The following ATP11C variants were observed in gnomAD, a reference collection of about 807,000 sequenced individuals.
ATP11C encodes the protein ATPase phospholipid transporting 11C (ATP11C blood group), also known as phospholipid-transporting ATPase IG.
In ATP11C, 36 loss-of-function variants were observed where a neutral mutation model predicts 97.4. The observed-to-expected ratio is 0.37, with a 90% CI of 0.28 to 0.49. ATP11C has a LOEUF of 0.49. Among genes scored for constraint, ATP11C ranks in the 20% least tolerant of loss-of-function variants. ATP11C has a pLI of 0.98. For missense variants in ATP11C, 730 were observed against 824.6 expected (o/e 0.89, Z 1.40); for synonymous variants, 275 against 290.9 (o/e 0.95, Z 0.56).
intron 1 of ATP11C, chrX:139,832,005 T>C (rs1200336490): frequency 1.8e-6 from 1 of 557,137 alleles, no homozygotes; most frequent in Admixed American, 4.0e-5. Flanking sequence ...ATAGGAGCAG[T>C]GAGGCTGAAA....
intron 1 of ATP11C, among the ~76,000 whole-genome samples, chrX:139,885,045 C>G (rs893737924): frequency 2.7e-5 from 3 of 111,266 alleles, no homozygotes; most frequent in African/African-American, 9.8e-5. Flanking sequence ...ATACAAATCA[C>G]GATATCTAAA....
At chrX:139,738,703 T>C (rs1044155700) in intron 27 of ATP11C, among the ~76,000 whole-genome samples, 1 of 111,201 alleles carries the variant, frequency 9.0e-6, no homozygotes, top group Middle Eastern at 4.2e-3. Flanking sequence ...GGAGTTAGAT[T>C]TCATTCTGAG....
intron 20 of ATP11C, among the ~76,000 whole-genome samples, chrX:139,764,566 A>T (rs973809006): frequency 5.3e-5 from 6 of 112,887 alleles, no homozygotes; most frequent in African/African-American, 1.6e-4. Flanking sequence ...AAAAAAAATA[A>T]TTTAGTAGCT....
chrX:139,851,566 T>G lies in ATP11C; in HGVS notation c.28-24743A>C, dbSNP rs761889016. ...AGTGGAAATATGGGACTGGGACCAT[T>G]ACCATGATTCCAGAACTGTAGAGCT... On this transcript the variant is annotated intron_variant, in intron 1 of 29. Coordinates refer to ENST00000682941, the MANE Select transcript of ATP11C (RefSeq NM_001353812.2). Among the ~76,000 whole-genome samples, 3 of 111,178 alleles carry G rather than the reference T, an allele frequency of 2.7e-5. No individual in the cohort carries two copies. In the South Asian group the frequency reaches 1.2e-3, roughly 43 times the overall value.
chrX:139,801,459 C>T (rs1286213275), intron 7 of ATP11C, among the ~76,000 whole-genome samples: 2 of 111,893 alleles, frequency 1.8e-5, no homozygotes, highest in East Asian at 5.6e-4. Flanking sequence ...TTTGTTTTTC[C>T]ACTACTAGGT....
chrX:139,735,843 C>G (rs1205679283), intron 28 of ATP11C, among the ~76,000 whole-genome samples: 3 of 110,989 alleles, frequency 2.7e-5, no homozygotes, highest in Admixed American at 9.6e-5. Context: ...CCTGAAATCC[C>G]AGAGTCTGAA....
chrX:139,825,954 C>A (rs1373045675), intron 2 of ATP11C, among the ~76,000 whole-genome samples: 2 of 112,238 alleles, frequency 1.8e-5, no homozygotes, highest in Non-Finnish European at 1.9e-5. Flanking sequence ...GTACTAGGAG[C>A]TATAAGAAGT....
intron 1 of ATP11C, among the ~76,000 whole-genome samples, chrX:139,919,444 AACACACACACACACAC>A (rs370999462): frequency 0.011 from 809 of 73,940 alleles, 14 homozygotes; most frequent in Admixed American, 0.065. Flanking sequence ...CTCAAACTTA[AACACACACACACACAC>A]ACACACACAC....
Position 139,762,126 on chromosome X carries a change from T to C in ATP11C, c.2495-20A>G. The C allele has an allele frequency of 8.8e-7, 1 of 1,130,150 alleles. No homozygotes were observed. Among genetic ancestry groups the C allele is most frequent in the Non-Finnish European group, 1.2e-6 (1 of 843,250 alleles). 93.1% of individuals were successfully genotyped at this position (1,130,150 alleles called of 1,213,427 possible). Reference sequence around the variant, plus strand: ...TAATACCTAAAAGAGAGTATCTCTATATGGTGAGCATTTTCTAGAATAAAT... The same window carrying C: ...TAATACCTAAAAGAGAGTATCTCTACATGGTGAGCATTTTCTAGAATAAAT... On this transcript the variant is annotated intron_variant, in intron 21 of 29. Transcript: ENST00000682941.
intron 1 of ATP11C, among the ~76,000 whole-genome samples, chrX:139,832,702 C>T (rs2083676285): frequency 8.9e-6 from 1 of 112,160 alleles, no homozygotes; most frequent in Non-Finnish European, 1.9e-5. Context: ...CACTATGATA[C>T]AGTTTCTCCA....
chrX:139,758,564 C>T (rs2081980318), intron 22 of ATP11C, among the ~76,000 whole-genome samples: 1 of 111,383 alleles, frequency 9.0e-6, no homozygotes, highest in Non-Finnish European at 1.9e-5. Context: ...TTGAGAAATA[C>T]TAAAAAGACA....
At position 139,781,654 on chromosome X, in the gene ATP11C, T is replaced by C. The variant is rs2082460966; in HGVS notation, c.1952+893A>G. ...ATCACTTGAACCCAGAAGGCAGAGG[T>C]TGCAGTGAGCCGAGATTGTGCCACT... On this transcript the variant is annotated intron_variant, in intron 18 of 29. Transcript: ENST00000682941. Among the ~76,000 whole-genome samples the C allele has an allele frequency of 3.6e-5, 4 of 111,404 alleles. No homozygotes were observed. In the South Asian group the frequency reaches 1.5e-3, roughly 42 times the overall value.
intron 1 of ATP11C, among the ~76,000 whole-genome samples, chrX:139,905,681 G>A (rs1023214507): frequency 9.0e-6 from 1 of 111,211 alleles, no homozygotes; most frequent in Admixed American, 9.6e-5. Context: ...AGTGACACAG[G>A]AAAAGTTTTT....
In ATP11C at chrX:139,743,701, C is replaced by G. The variant is rs73579527; in HGVS notation, c.2965-77G>C. Reference sequence around the variant, plus strand: ...AGTATTTTTTCATTTAAAAAAAAAGCCAAGTTGAATCCTGTGTGTAAGTGC... The same window carrying G: ...AGTATTTTTTCATTTAAAAAAAAAGGCAAGTTGAATCCTGTGTGTAAGTGC... On this transcript the variant is annotated intron_variant, in intron 25 of 29. Coordinates refer to ENST00000682941, the MANE Select transcript of ATP11C (RefSeq NM_001353812.2). 9.2e-4 allele frequency: 568 copies of G among 620,496 alleles called. 2 individuals are homozygous for G. The African/African-American group carries it at 0.012, about 13-fold the overall frequency. 51.1% of individuals were successfully genotyped at this position (620,496 alleles called of 1,213,427 possible). A position where few individuals can be genotyped will look rare whatever the true frequency, so the allele number is the denominator to read the frequency against.
intron 1 of ATP11C, among the ~76,000 whole-genome samples, chrX:139,851,789 T>C (rs755889562): frequency 4.5e-5 from 5 of 112,269 alleles, no homozygotes; most frequent in Non-Finnish European, 9.4e-5. Context: ...CTTAATGTTG[T>C]TTTCCCTGAA....
At chrX:139,859,038 A>T (rs751407815) in intron 1 of ATP11C, among the ~76,000 whole-genome samples, 38 of 112,490 alleles carry the variant, frequency 3.4e-4, no homozygotes, top group South Asian at 1.5e-3. Context: ...CATTTTTTTT[A>T]AATTCAAACA....
chrX:139,732,673 T>C (rs2081371365), intron 28 of ATP11C: 1 of 198,612 alleles, frequency 5.0e-6, no homozygotes, highest in Non-Finnish European at 9.7e-6. Context: ...GATATGTTAG[T>C]TTTGAAGACA....
Position 139,782,834 on chromosome X carries a change from C to G in ATP11C, c.1771-106G>C, listed in dbSNP as rs1023217858. 1.8e-5 allele frequency: 10 copies of G among 556,121 alleles called. No individual in the cohort carries two copies. In the African/African-American group the frequency reaches 2.2e-4, roughly 12 times the overall value. 45.8% of individuals were successfully genotyped at this position (556,121 alleles called of 1,213,427 possible). A position where few individuals can be genotyped will look rare whatever the true frequency, so the allele number is the denominator to read the frequency against. ...TTTAGCCATATGGACAAGAGAAATT[C>G]TGACACATATTTAGTCTGAAAAAAT... On this transcript the variant is annotated intron_variant, in intron 17 of 29. Transcript: ENST00000682941.
chrX:139,872,342 T>C (rs1240703561), intron 1 of ATP11C, among the ~76,000 whole-genome samples: 1 of 111,389 alleles, frequency 9.0e-6, no homozygotes, highest in African/African-American at 3.3e-5. Context: ...CTATTATACC[T>C]GTGTAACCAC....
Sources: allele counts gnomAD v4.1 joint callset (sites outside exome capture counted in the v4.1 genomes callset), GRCh38; gene constraint gnomAD v4.1.1; transcripts MANE v1.5; gene names NCBI Gene and HGNC (gene_info 2026-07-23, HGNC 2026-07-21).